Variants in CNTNAP5 observed in about 807,000 individuals in gnomAD.
CNTNAP5 encodes the protein contactin-associated protein-like 5.
In CNTNAP5, 72 loss-of-function variants were observed where a neutral mutation model predicts 150.2. The observed-to-expected ratio is 0.48, with a 90% CI of 0.40 to 0.58. CNTNAP5 has a LOEUF of 0.58. CNTNAP5 is among the 20% of genes least tolerant of loss of function. The pLI is 0.00. For synonymous variants in CNTNAP5, 672 were observed against 619.8 expected, an observed-to-expected ratio of 1.08 and a Z score of -1.25; for missense variants, 1,636 against 1,626.2, an observed-to-expected ratio of 1.01 and a Z score of -0.10.
rs116744561 is a variant in CNTNAP5, at chr2:124,777,414, G to A, written c.2752+4397G>A. Among the ~76,000 whole-genome samples, 969 of 151,960 alleles carry A rather than the reference G, an allele frequency of 6.4e-3. 10 individuals carry two copies. Among genetic ancestry groups the A allele is most frequent in the African/African-American group, 0.02 (829 of 41,460 alleles). On this transcript the variant is annotated intron_variant, in intron 17 of 23. Coordinates refer to ENST00000682447, the MANE Select transcript of CNTNAP5 (RefSeq NM_001367498.1). ...TTTTGAAACAGAGTCTCTCTCCATC[G>A]CCCAGGCTGGAGTGCAGTGGTACGA... is the stretch of plus-strand genomic sequence containing the variant.
rs545685327 is a variant in CNTNAP5 at position 124,509,484 on chromosome 2, A to G, written c.1327+4928A>G. On this transcript the variant is annotated intron_variant, in intron 8 of 23. Transcript: ENST00000682447. ...CAGCAGCCATTGTAGATCTTCTGCC[A>G]GTTAGGCATTGTGCTAGGGGCTTGT... Among the ~76,000 whole-genome samples the G allele has an allele frequency of 3.9e-4, 60 of 152,276 alleles. No homozygotes were observed. In the Middle Eastern group the frequency reaches 0.014, roughly 35 times the overall value.
intron 1 of CNTNAP5, among the ~76,000 whole-genome samples, chr2:124,161,310 T>C (rs191868107): frequency 1.3e-5 from 2 of 152,294 alleles, no homozygotes; most frequent in African/African-American, 4.8e-5. Flanking sequence ...AATGTCATAG[T>C]GCACTCTACT....
intron 3 of CNTNAP5, among the ~76,000 whole-genome samples, chr2:124,351,364 C>T (rs1689871052): frequency 6.6e-6 from 1 of 152,130 alleles, no homozygotes; most frequent in Non-Finnish European, 1.5e-5. Context: ...GACTATACAT[C>T]CTGGCTCCAC....
At chr2:124,449,835 T>A (rs1692921452) in intron 6 of CNTNAP5, among the ~76,000 whole-genome samples, 1 of 151,942 alleles carries the variant, frequency 6.6e-6, no homozygotes, top group African/African-American at 2.4e-5. Context: ...AAGACAAGAG[T>A]TACGTGTCAA....
chr2:124,064,824 A>G (rs1032841931), intron 1 of CNTNAP5, among the ~76,000 whole-genome samples: 1 of 152,078 alleles, frequency 6.6e-6, no homozygotes, highest in Non-Finnish European at 1.5e-5. Flanking sequence ...TTTTCCCACC[A>G]CCGGGAATGC....
At chr2:124,222,274 AC>A (rs1430929260) in intron 2 of CNTNAP5, among the ~76,000 whole-genome samples, 1 of 152,126 alleles carries the variant, frequency 6.6e-6, no homozygotes, top group Non-Finnish European at 1.5e-5. Flanking sequence ...CTGTTATTCT[AC>A]CAGCTAGAAA....
At chr2:124,230,555 AG>A (rs1163092625) in intron 2 of CNTNAP5, among the ~76,000 whole-genome samples, 6 of 151,056 alleles carry the variant, frequency 4.0e-5, no homozygotes, top group Admixed American at 4.0e-4. Flanking sequence ...TTCTTGAGAC[AG>A]AGTCTCACTC....
intron 1 of CNTNAP5, among the ~76,000 whole-genome samples, chr2:124,096,206 A>G (rs1366945622): frequency 6.6e-6 from 1 of 152,096 alleles, no homozygotes; most frequent in Non-Finnish European, 1.5e-5. Flanking sequence ...AACATTCACT[A>G]TTTGTCTTTA....
chr2:124,742,488 G>C (rs542790231), intron 13 of CNTNAP5, among the ~76,000 whole-genome samples: 1 of 152,050 alleles, frequency 6.6e-6, no homozygotes. Context: ...CTGACATTGC[G>C]TTGTGCTATA....
chr2:124,132,267 G>A (rs1402186700), intron 1 of CNTNAP5, among the ~76,000 whole-genome samples: 1 of 152,126 alleles, frequency 6.6e-6, no homozygotes, highest in Non-Finnish European at 1.5e-5. Flanking sequence ...TCCTCATAGC[G>A]CTCACTGGTG....
chr2:124,747,926 C>T lies in CNTNAP5; in HGVS notation c.2234+541C>T, dbSNP rs111431784. ...TGCTGGGATTACAGGCATGAGCCAC[C>T]GCACTTGGCCCCCACCAGCTTCTTA... On this transcript the variant is annotated intron_variant, in intron 14 of 23. Coordinates refer to ENST00000682447, the MANE Select transcript of CNTNAP5 (RefSeq NM_001367498.1). Among the ~76,000 whole-genome samples the T allele has an allele frequency of 7.3e-3, 1,100 of 151,218 alleles. 13 individuals carry two copies. The highest frequency in any genetic ancestry group is 9.2e-3 in the Non-Finnish European group (627 of 67,808).
chr2:124,607,051 A>G (rs1176074623), intron 11 of CNTNAP5, among the ~76,000 whole-genome samples: 1 of 152,306 alleles, frequency 6.6e-6, no homozygotes, highest in Non-Finnish European at 1.5e-5. Context: ...TCCTTACTAC[A>G]ACAGTATGAG....
intron 14 of CNTNAP5, among the ~76,000 whole-genome samples, chr2:124,753,568 T>C (rs1680776141): frequency 6.6e-6 from 1 of 152,232 alleles, no homozygotes; most frequent in Non-Finnish European, 1.5e-5. Flanking sequence ...AAAGTAGTTA[T>C]TTCTCTTTCT....
intron 13 of CNTNAP5, among the ~76,000 whole-genome samples, chr2:124,653,049 G>A (rs980964068): frequency 2.6e-5 from 4 of 152,186 alleles, no homozygotes; most frequent in Non-Finnish European, 5.9e-5. Context: ...CAAGATTGCC[G>A]TGAGGATTGT....
chr2:124,891,483 C>T (rs935202397), intron 21 of CNTNAP5, among the ~76,000 whole-genome samples: 2 of 152,080 alleles, frequency 1.3e-5, no homozygotes, highest in African/African-American at 4.8e-5. Flanking sequence ...GATTACTGTC[C>T]TTTTTGATCT....
intron 1 of CNTNAP5, among the ~76,000 whole-genome samples, chr2:124,152,347 ATAT>A (rs1291491283): frequency 6.6e-6 from 1 of 152,196 alleles, no homozygotes; most frequent in Non-Finnish European, 1.5e-5. Context: ...TGAATTTCTT[ATAT>A]GGTAGATTGT....
At chr2:124,453,832 TGAGA>T (rs1693048422) in intron 6 of CNTNAP5, among the ~76,000 whole-genome samples, 1 of 152,056 alleles carries the variant, frequency 6.6e-6, no homozygotes, top group South Asian at 2.1e-4. Flanking sequence ...AAACAAATGC[TGAGA>T]GAATTTGCCA....
chr2:124,067,296 G>C (rs552996607), intron 1 of CNTNAP5, among the ~76,000 whole-genome samples: 1 of 152,248 alleles, frequency 6.6e-6, no homozygotes, highest in East Asian at 1.9e-4. Flanking sequence ...AGTACCATGG[G>C]TCAGAATCAG....
intron 7 of CNTNAP5, among the ~76,000 whole-genome samples, chr2:124,497,035 G>A (rs1694166516): frequency 6.6e-6 from 1 of 152,216 alleles, no homozygotes. Context: ...GAGCTGGTAA[G>A]CAGTGTTTGA....
Sources: gnomAD v4.1 joint callset for allele counts (sites outside exome capture counted in the v4.1 genomes callset) on GRCh38, gnomAD v4.1.1 for gene constraint, MANE v1.5 for transcripts, NCBI Gene and HGNC (gene_info 2026-07-23, HGNC 2026-07-21) for gene names.